The following ZNF385D variants were observed in gnomAD, a reference collection of about 807,000 sequenced individuals.
ZNF385D encodes zinc finger protein 659.
A neutral mutation model predicts 35.8 loss-of-function variants in ZNF385D; 15 were observed. That is an observed-to-expected ratio of 0.42 (90% CI 0.28 to 0.64). ZNF385D has a LOEUF of 0.64. Among genes scored for constraint, ZNF385D ranks in the 30% least tolerant of loss-of-function variants. The probability of loss-of-function intolerance (pLI) is 0.23; values close to 1 mark genes in which losing one functional copy is unlikely to be tolerated. For synonymous variants in ZNF385D, 212 were observed against 186.8 expected (o/e 1.13, Z -1.10); for missense variants, 474 against 494.6 (o/e 0.96, Z 0.39).
At position 21,675,209 on chromosome 3, in the gene ZNF385D, A is replaced by T. The variant is rs554216937; in HGVS notation, c.23-10181T>A. On this transcript the variant is annotated intron_variant, in intron 1 of 7. Coordinates refer to ENST00000281523, the MANE Select transcript of ZNF385D (RefSeq NM_024697.3). The stretch of plus-strand genomic sequence containing the variant: ...ATTATTGTTTTCTTCAGAAAAATAA[A>T]TGGCCCAAACACACTAAGTCCTAGG... Among the ~76,000 whole-genome samples, 121 of 152,202 alleles carry T rather than the reference A, an allele frequency of 7.9e-4. 1 individual carries two copies. The highest frequency in any genetic ancestry group is 2.7e-3 in the African/African-American group (111 of 41,570).
intron 2 of ZNF385D, among the ~76,000 whole-genome samples, chr3:21,649,039 C>T (rs1482146947): frequency 2.0e-5 from 3 of 151,994 alleles, no homozygotes; most frequent in African/African-American, 7.2e-5. Context: ...ATTCCAAAAC[C>T]CATGGTCTTA....
intron 2 of ZNF385D, among the ~76,000 whole-genome samples, chr3:21,600,686 C>CAG (rs893131171): frequency 5.3e-5 from 8 of 151,166 alleles, no homozygotes; most frequent in African/African-American, 2.0e-4. Context: ...CAAAAAAACA[C>CAG]ACAGAGAGAG....
At chr3:22,206,767 C>T (rs1323075966) in intron 2 of ZNF385D, among the ~76,000 whole-genome samples, 1 of 151,754 alleles carries the variant, frequency 6.6e-6, no homozygotes, top group Non-Finnish European at 1.5e-5. Flanking sequence ...CTATGGGATA[C>T]AGTAAAAGCA....
At chr3:21,788,244 C>G (rs925128165) in intron 3 of ZNF385D, among the ~76,000 whole-genome samples, 1 of 152,152 alleles carries the variant, frequency 6.6e-6, no homozygotes, top group African/African-American at 2.4e-5. Context: ...TTCGGGAGGC[C>G]GAGGTGAGTG....
chr3:21,435,307 G>A (rs1701494919), intron 5 of ZNF385D, among the ~76,000 whole-genome samples: 1 of 146,066 alleles, frequency 6.8e-6, no homozygotes, highest in South Asian at 2.2e-4. Flanking sequence ...AGCCAGGCTG[G>A]AGTGCAGTGG....
chr3:21,767,182 T>C (rs1264667107), intron 3 of ZNF385D, among the ~76,000 whole-genome samples: 3 of 151,884 alleles, frequency 2.0e-5, no homozygotes, highest in South Asian at 2.1e-4. Context: ...TCACAGATCT[T>C]AGAGAAATGC....
At chr3:21,783,874 G>A (rs1488779447) in intron 3 of ZNF385D, among the ~76,000 whole-genome samples, 3 of 152,122 alleles carry the variant, frequency 2.0e-5, no homozygotes, top group East Asian at 1.9e-4. Context: ...AAAGTCAAGC[G>A]TTTCCTAAAA....
rs552327279 is a variant in ZNF385D at position 21,537,928 on chromosome 3, A to G, written c.276+26646T>C. Among the ~76,000 whole-genome samples, 5 of 152,274 alleles carry G rather than the reference A, an allele frequency of 3.3e-5. No individual in the cohort carries two copies. In the East Asian group the frequency reaches 9.7e-4, roughly 29 times the overall value. The stretch of plus-strand genomic sequence containing the variant: ...AGCAGGGAGAATGATTAAGAATTTT[A>G]CAATAATACAGATGAGAGACAATGG... On this transcript the variant is annotated intron_variant, in intron 3 of 7. Coordinates refer to ENST00000281523, the MANE Select transcript of ZNF385D (RefSeq NM_024697.3).
At chr3:21,894,988 T>C (rs969831415) in intron 3 of ZNF385D, among the ~76,000 whole-genome samples, 3 of 151,954 alleles carry the variant, frequency 2.0e-5, no homozygotes, top group Admixed American at 6.6e-5. Context: ...AGCACAATAA[T>C]GATGGCATGC....
intron 3 of ZNF385D, among the ~76,000 whole-genome samples, chr3:22,084,178 C>T (rs4513470): frequency 0.12 from 18,779 of 152,054 alleles, 1,243 homozygotes; most frequent in Non-Finnish European, 0.16. Flanking sequence ...CATCAACTAA[C>T]GGGCAAAATA....
At chr3:21,847,914 C>A (rs1029106148) in intron 3 of ZNF385D, among the ~76,000 whole-genome samples, 1 of 152,096 alleles carries the variant, frequency 6.6e-6, no homozygotes, top group South Asian at 2.1e-4. Flanking sequence ...GGCACCATGT[C>A]GTGCAGCAGA....
intron 1 of ZNF385D, among the ~76,000 whole-genome samples, chr3:21,734,332 G>C (rs759272423): frequency 6.7e-6 from 1 of 149,862 alleles, no homozygotes; most frequent in Non-Finnish European, 1.5e-5. Context: ...TCAGAGAAAA[G>C]AATAATTACT....
At chr3:21,876,839 G>C (rs1372808705) in intron 3 of ZNF385D, among the ~76,000 whole-genome samples, 5 of 151,986 alleles carry the variant, frequency 3.3e-5, no homozygotes, top group Admixed American at 1.3e-4. Context: ...ATTAGCTTCT[G>C]TCTAAATGTT....
At chr3:21,456,295 A>T (rs1205148005) in intron 4 of ZNF385D, among the ~76,000 whole-genome samples, 4 of 152,240 alleles carry the variant, frequency 2.6e-5, no homozygotes, top group Non-Finnish European at 5.9e-5. Context: ...ATGTATGTTT[A>T]TTGTGGCACT....
intron 5 of ZNF385D, among the ~76,000 whole-genome samples, chr3:21,435,403 A>G (rs1701501143): frequency 1.3e-5 from 2 of 151,916 alleles, no homozygotes; most frequent in African/African-American, 4.8e-5. Flanking sequence ...AACTACAGGC[A>G]CATGCCACCA....
chr3:22,258,337 G>C (rs1274479772), intron 2 of ZNF385D, among the ~76,000 whole-genome samples: 2 of 151,712 alleles, frequency 1.3e-5, no homozygotes, highest in African/African-American at 4.8e-5. Flanking sequence ...AGCAGAATAA[G>C]TGAAGAAAAA....
At chr3:22,008,776 G>A (rs1696380709) in intron 3 of ZNF385D, among the ~76,000 whole-genome samples, 2 of 152,186 alleles carry the variant, frequency 1.3e-5, no homozygotes, top group Non-Finnish European at 2.9e-5. Context: ...GATTAAAATA[G>A]AGAAATGTAT....
At chr3:22,108,488 A>G (rs894611489) in intron 3 of ZNF385D, among the ~76,000 whole-genome samples, 8 of 152,108 alleles carry the variant, frequency 5.3e-5, no homozygotes, top group Non-Finnish European at 1.0e-4. Context: ...GAGTGCACAC[A>G]TTATTAATCT....
intron 4 of ZNF385D, among the ~76,000 whole-genome samples, chr3:21,469,888 A>G (rs984791757): frequency 6.6e-6 from 1 of 152,078 alleles, no homozygotes; most frequent in Non-Finnish European, 1.5e-5. Context: ...ATCCAAAGCA[A>G]TCCTTCATTT....
Sources: allele counts gnomAD v4.1 joint callset (sites outside exome capture counted in the v4.1 genomes callset), GRCh38; gene constraint gnomAD v4.1.1; transcripts MANE v1.5; gene names NCBI Gene and HGNC (gene_info 2026-07-23, HGNC 2026-07-21).